Variants in GABRB2 observed in about 807,000 individuals in gnomAD.
The protein encoded by GABRB2 is gamma-aminobutyric acid type A receptor subunit beta2.
Under a neutral mutation model 54.7 loss-of-function variants are expected in GABRB2, and 16 were observed. That is an observed-to-expected ratio of 0.29 (90% CI 0.20 to 0.44). The LOEUF (loss-of-function observed/expected upper bound fraction) is 0.44. Ranked by LOEUF, GABRB2 falls within the 20% of genes least tolerant of loss-of-function variation. The probability of loss-of-function intolerance (pLI) is 1.00; values close to 1 mark genes in which losing one functional copy is unlikely to be tolerated. For missense variants in GABRB2, 355 were observed against 644.0 expected (o/e 0.55, Z 4.86); for synonymous variants, 244 against 233.8 (o/e 1.04, Z -0.40).
intron 3 of GABRB2, among the ~76,000 whole-genome samples, chr5:161,532,717 T>C (rs1760501787): frequency 1.3e-5 from 2 of 152,190 alleles, no homozygotes; most frequent in African/African-American, 4.8e-5. Context: ...CATACCTGTG[T>C]GTAAGAACTA....
rs539366743 is a variant in GABRB2 at position 161,459,857 on chromosome 5, G to GA, written c.238-14dup. 2.2e-3 allele frequency: 3,343 copies of GA among 1,496,010 alleles called. No individual in the cohort carries two copies. Among genetic ancestry groups the GA allele is most frequent in the Non-Finnish European group, 2.6e-3 (2,872 of 1,091,354 alleles). The allele number at this position is 1,496,010 out of a possible 1,614,324, so 92.7% of individuals were successfully genotyped here. A position where few individuals can be genotyped will look rare whatever the true frequency, so the allele number is the denominator to read the frequency against. ...TCAAGGTATAATCCTGTAAATGTGA[G>GA]AAAAAAAAACATGGTTAGTTTACAC... On this transcript the variant is annotated splice_polypyrimidine_tract_variant and intron_variant, in intron 3 of 9. Coordinates refer to ENST00000393959, the MANE Select transcript of GABRB2 (RefSeq NM_001371727.1).
At chr5:161,478,236 G>A (rs560085537) in intron 3 of GABRB2, among the ~76,000 whole-genome samples, 2 of 152,092 alleles carry the variant, frequency 1.3e-5, no homozygotes, top group South Asian at 2.1e-4. Context: ...TATTCTCTAC[G>A]AAGGGAAGAC....
At chr5:161,485,307 T>C (rs1210648273) in intron 3 of GABRB2, among the ~76,000 whole-genome samples, 2 of 151,820 alleles carry the variant, frequency 1.3e-5, no homozygotes, top group Non-Finnish European at 2.9e-5. Context: ...CAGTGGTCTA[T>C]AAATTGTATT....
intron 5 of GABRB2, among the ~76,000 whole-genome samples, chr5:161,373,619 A>C (rs577356812): frequency 1.3e-5 from 2 of 152,334 alleles, no homozygotes; most frequent in South Asian, 2.1e-4. Flanking sequence ...AAGTGTCAGA[A>C]GTATTGAGGA....
chr5:161,408,445 C>T lies in GABRB2; in HGVS notation c.541+2530G>A, dbSNP rs572972442. 1.2e-4 allele frequency among the ~76,000 whole-genome samples: 19 copies of T among 152,026 alleles called. No individual in the cohort carries two copies. The South Asian group carries it at 3.3e-3, about 27-fold the overall frequency. ...ACTATTAGATCTTTAGAGCTTATTA[C>T]GATACCTGGTAAAAGATTAGTGTTC... On this transcript the variant is annotated intron_variant, in intron 5 of 9. Transcript: ENST00000393959.
intron 3 of GABRB2, among the ~76,000 whole-genome samples, chr5:161,522,370 G>A (rs1227936253): frequency 2.0e-5 from 3 of 151,680 alleles, no homozygotes; most frequent in Non-Finnish European, 4.4e-5. Context: ...CTGCAGGCAC[G>A]ATACCTTGGG....
intron 9 of GABRB2, among the ~76,000 whole-genome samples, chr5:161,305,308 G>T (rs1006166687): frequency 6.6e-6 from 1 of 152,114 alleles, no homozygotes; most frequent in African/African-American, 2.4e-5. Flanking sequence ...GAGCCACCAC[G>T]CCCGGCCGAT....
chr5:161,426,774 A>G (rs1255431691), intron 4 of GABRB2, among the ~76,000 whole-genome samples: 1 of 152,202 alleles, frequency 6.6e-6, no homozygotes, highest in African/African-American at 2.4e-5. Flanking sequence ...ACAATTTACA[A>G]TAAGAAGCAC....
intron 4 of GABRB2, among the ~76,000 whole-genome samples, chr5:161,457,024 T>C (rs527313999): frequency 6.6e-5 from 10 of 152,358 alleles, no homozygotes; most frequent in African/African-American, 2.4e-4. Flanking sequence ...CCTCCTTGAG[T>C]TGAGAAAGAT....
chr5:161,356,735 A>G (rs1754642227), intron 5 of GABRB2, among the ~76,000 whole-genome samples: 1 of 152,168 alleles, frequency 6.6e-6, no homozygotes, highest in African/African-American at 2.4e-5. Context: ...AGGGCTCCTG[A>G]GCAAACCAGA....
intron 3 of GABRB2, among the ~76,000 whole-genome samples, chr5:161,495,346 T>C (rs1458911764): frequency 6.6e-5 from 10 of 151,986 alleles, no homozygotes; most frequent in Non-Finnish European, 1.3e-4. Flanking sequence ...AATCAATGAT[T>C]ATTCTATGGC....
intron 4 of GABRB2, among the ~76,000 whole-genome samples, chr5:161,414,239 C>A (rs148638141): frequency 6.6e-6 from 1 of 152,122 alleles, no homozygotes; most frequent in Non-Finnish European, 1.5e-5. Context: ...GAGTAACAGA[C>A]AAGTCATTGT....
chr5:161,504,138 A>G (rs1332957290), intron 3 of GABRB2, among the ~76,000 whole-genome samples: 24 of 152,212 alleles, frequency 1.6e-4, no homozygotes, highest in Admixed American at 1.6e-3. Flanking sequence ...TCAGCAGTTG[A>G]TGAATCAAGT....
intron 4 of GABRB2, among the ~76,000 whole-genome samples, chr5:161,446,705 T>A (rs544898650): frequency 1.3e-5 from 2 of 152,264 alleles, no homozygotes; most frequent in East Asian, 3.9e-4. Flanking sequence ...TTCCTATAAG[T>A]TAAATAATAC....
chr5:161,361,489 CTGT>C (rs1050942075), intron 5 of GABRB2, among the ~76,000 whole-genome samples: 9 of 151,914 alleles, frequency 5.9e-5, no homozygotes, highest in Admixed American at 5.2e-4. Context: ...CTAAATGGGA[CTGT>C]TGAAGCTGGA....
chr5:161,454,205 G>T (rs1412039599), intron 4 of GABRB2, among the ~76,000 whole-genome samples: 1 of 152,142 alleles, frequency 6.6e-6, no homozygotes, highest in African/African-American at 2.4e-5. Context: ...TTGAAGGCAT[G>T]CTACAACTGA....
chr5:161,326,129 CACA>C (rs1280857106), intron 9 of GABRB2, among the ~76,000 whole-genome samples: 2 of 152,114 alleles, frequency 1.3e-5, no homozygotes, highest in Admixed American at 6.6e-5. Context: ...CTTTCCCTAA[CACA>C]ACAACAATTC....
intron 3 of GABRB2, among the ~76,000 whole-genome samples, chr5:161,514,220 C>G (rs754258025): frequency 2.0e-5 from 3 of 152,092 alleles, no homozygotes; most frequent in South Asian, 4.1e-4. Flanking sequence ...CTTCTCCCAC[C>G]TCTTCCCAAG....
intron 4 of GABRB2, among the ~76,000 whole-genome samples, chr5:161,419,645 C>A (rs1756790386): frequency 6.6e-6 from 1 of 152,314 alleles, no homozygotes; most frequent in African/African-American, 2.4e-5. Context: ...AGAATGAAAT[C>A]TTGTCTTTGC....
Sources: gnomAD v4.1 joint callset for allele counts (sites outside exome capture counted in the v4.1 genomes callset) on GRCh38, gnomAD v4.1.1 for gene constraint, MANE v1.5 for transcripts, NCBI Gene and HGNC (gene_info 2026-07-23, HGNC 2026-07-21) for gene names.